CNOT9: variants seen among roughly 807,000 people sequenced by gnomAD.
CNOT9 encodes CCR4-NOT transcription complex subunit 9.
A neutral mutation model predicts 37.4 loss-of-function variants in CNOT9; 8 were observed. The observed-to-expected ratio is 0.21, with a 90% CI of 0.13 to 0.39. CNOT9 has a LOEUF of 0.39. CNOT9 is among the 10% of genes least tolerant of loss of function. The pLI, the probability that CNOT9 is intolerant of heterozygous loss-of-function variation, is 1.00. For missense variants in CNOT9, 154 were observed against 365.3 expected (o/e 0.42, Z 4.71); for synonymous variants, 120 against 137.6 (o/e 0.87, Z 0.90).
At chr2:218,571,877 C>T (rs1044657392) in intron 1 of CNOT9, among the ~76,000 whole-genome samples, 9 of 151,594 alleles carry the variant, frequency 5.9e-5, no homozygotes, top group Non-Finnish European at 7.4e-5. Flanking sequence ...AGCCACTGCG[C>T]CCGACCTTGC....
Position 218,584,678 on chromosome 2 carries a change from A to G in CNOT9, c.387A>G (p.Thr129=). 1.2e-6 allele frequency: 2 copies of G among 1,613,956 alleles called. No individual in the cohort carries two copies. Among genetic ancestry groups the G allele is most frequent in the Non-Finnish European group, 1.7e-6 (2 of 1,179,828 alleles). The change falls in exon 4 of 8, where the codon ACA becomes ACG. Residue 129 remains threonine (T), a synonymous_variant. Transcript: ENST00000273064. ...LYPFLHTVSK[T]RPFEYLRLTS... ...CCTTTTTGCACACTGTCAGCAAAAC[A>G]CGTCCCTTTGAGTATCTCCGGCTCA...
chr2:218,592,477 C>T lies in CNOT9; in HGVS notation c.639+75C>T, dbSNP rs1301590661. On this transcript the variant is annotated intron_variant, in intron 6 of 7. Transcript: ENST00000273064. The surrounding 1 kb of genome is among the most constrained non-coding windows in gnomAD (Gnocchi z 4.1). ...TAATCTCTTTATAACTGGCATTGAA[C>T]AACTTCAGTCCTCTGACTAGAACTA... 2 of 1,465,030 alleles carry T rather than the reference C, an allele frequency of 1.4e-6. No individual in the cohort carries two copies. The highest frequency in any genetic ancestry group is 4.5e-5 in the East Asian group (2 of 44,138). 90.8% of individuals were successfully genotyped at this position (1,465,030 alleles called of 1,614,324 possible).
chr2:218,586,952 C>G (rs1212196882), intron 4 of CNOT9, among the ~76,000 whole-genome samples: 2 of 152,060 alleles, frequency 1.3e-5, no homozygotes, highest in African/African-American at 4.8e-5. Context: ...TTTAAAAGAA[C>G]AAAGTTGGAA....
chr2:218,570,759 T>A (rs1055205173), intron 1 of CNOT9, among the ~76,000 whole-genome samples: 1 of 152,234 alleles, frequency 6.6e-6, no homozygotes, highest in Admixed American at 6.5e-5. Flanking sequence ...TTTCAATTGC[T>A]CCCTAATGCA....
intron 1 of CNOT9, among the ~76,000 whole-genome samples, chr2:218,579,358 A>G (rs1398878905): frequency 1.3e-5 from 2 of 152,126 alleles, no homozygotes; most frequent in Non-Finnish European, 2.9e-5. Flanking sequence ...TAACCCTTTT[A>G]TTGTTTTTAC....
intron 4 of CNOT9, among the ~76,000 whole-genome samples, chr2:218,587,015 AG>A (rs1694617263): frequency 6.6e-6 from 1 of 152,238 alleles, no homozygotes; most frequent in South Asian, 2.1e-4. Context: ...TAGTCAAGGC[AG>A]TGTAATACTG....
chr2:218,581,215 CT>C, intron 2 of CNOT9: 1 of 281,698 alleles, frequency 3.5e-6, no homozygotes, highest in Non-Finnish European at 7.2e-6. Context: ...GTCGCCCAGA[CT>C]AGAGTGCAAT....
intron 1 of CNOT9, chr2:218,574,201 C>G (rs953729873): frequency 7.9e-6 from 2 of 252,610 alleles, no homozygotes; most frequent in Non-Finnish European, 1.6e-5. Context: ...AGTGATCCAC[C>G]AGCCTCAGCC....
chr2:218,577,200 G>C (rs1166794391), intron 1 of CNOT9, among the ~76,000 whole-genome samples: 1 of 152,150 alleles, frequency 6.6e-6, no homozygotes, highest in Non-Finnish European at 1.5e-5. Flanking sequence ...AGTAAGCACT[G>C]TATGTTTTAA....
Position 218,596,395 on chromosome 2 carries a change from G to T in CNOT9, c.*2119G>T, listed in dbSNP as rs1694312358. The T allele has an allele frequency of 6.6e-6, 1 of 152,178 alleles. No homozygotes were observed. The highest frequency in any genetic ancestry group is 6.5e-5 in the Admixed American group (1 of 15,276). The allele number at this position is 152,178 out of a possible 1,614,324, so 9.4% of individuals were successfully genotyped here. A position where few individuals can be genotyped will look rare whatever the true frequency, so the allele number is the denominator to read the frequency against. Reference sequence around the variant, plus strand: ...GTTTTCCATCCCTCTCCCTTAACAGGATTGAAATAAAACATGCTTCTGTTT... The same window carrying T: ...GTTTTCCATCCCTCTCCCTTAACAGTATTGAAATAAAACATGCTTCTGTTT... On this transcript the variant is annotated 3_prime_UTR_variant, in exon 8 of 8. Transcript: ENST00000273064.
intron 1 of CNOT9, among the ~76,000 whole-genome samples, chr2:218,571,535 G>A (rs1332685226): frequency 2.0e-5 from 3 of 151,422 alleles, no homozygotes; most frequent in African/African-American, 4.8e-5. Context: ...TTGAGTAGTC[G>A]TATGCTAGAA....
At chr2:218,569,266 A>G (rs1469069854) in intron 1 of CNOT9, among the ~76,000 whole-genome samples, 2 of 152,092 alleles carry the variant, frequency 1.3e-5, no homozygotes, top group African/African-American at 2.4e-5. Context: ...TGCGCTGACC[A>G]ACAGTTTCAG....
At chr2:218,570,763 TA>T (rs1316767420) in intron 1 of CNOT9, among the ~76,000 whole-genome samples, 1 of 152,234 alleles carries the variant, frequency 6.6e-6, no homozygotes, top group Non-Finnish European at 1.5e-5. Flanking sequence ...AATTGCTCCC[TA>T]ATGCATCTTT....
intron 4 of CNOT9, among the ~76,000 whole-genome samples, chr2:218,585,036 AAG>A (rs1243866786): frequency 6.6e-6 from 1 of 152,176 alleles, no homozygotes; most frequent in African/African-American, 2.4e-5. Flanking sequence ...TTAAAGGAAT[AAG>A]AGTTTAAATT....
At chr2:218,588,066 C>T (rs1215147056) in intron 5 of CNOT9, among the ~76,000 whole-genome samples, 1 of 152,118 alleles carries the variant, frequency 6.6e-6, no homozygotes, top group Non-Finnish European at 1.5e-5. Context: ...TGAATGACAA[C>T]ATGACAAGGT....
rs1694942229 is a variant in CNOT9 at position 218,596,942 on chromosome 2, C to G, written c.*2666C>G. On this transcript the variant is annotated 3_prime_UTR_variant, in exon 8 of 8. Coordinates refer to ENST00000273064, the MANE Select transcript of CNOT9 (RefSeq NM_005444.3). ...CCTGTGGCCTGTTTCACTGGTGGAA[C>G]AGGAGCAGCATTGGTAGCCTTCAGA... 1 of 152,162 alleles carries G rather than the reference C, an allele frequency of 6.6e-6. No individual in the cohort carries two copies. Among genetic ancestry groups the G allele is most frequent in the Non-Finnish European group, 1.5e-5 (1 of 68,036 alleles). 9.4% of individuals were successfully genotyped at this position (152,162 alleles called of 1,614,324 possible). A position where few individuals can be genotyped will look rare whatever the true frequency, so the allele number is the denominator to read the frequency against.
intron 5 of CNOT9, among the ~76,000 whole-genome samples, chr2:218,589,683 ATGCAG>A (rs1694710700): frequency 6.6e-6 from 1 of 152,116 alleles, no homozygotes; most frequent in African/African-American, 2.4e-5. Context: ...CCAGGCTGGA[ATGCAG>A]TGGCTATTCA....
intron 1 of CNOT9, chr2:218,574,015 G>A (rs1277552067): frequency 2.3e-6 from 1 of 432,132 alleles, no homozygotes; most frequent in Admixed American, 2.5e-5. Flanking sequence ...TGTTACCCAG[G>A]CTGGAGTGCA....
chr2:218,571,652 A>G (rs1488039880), intron 1 of CNOT9, among the ~76,000 whole-genome samples: 4 of 151,390 alleles, frequency 2.6e-5, no homozygotes, highest in Non-Finnish European at 5.9e-5. Context: ...GCTCACAGCA[A>G]TCTCCGCCTC....
Sources: allele counts gnomAD v4.1 joint callset (sites outside exome capture counted in the v4.1 genomes callset), GRCh38; gene constraint gnomAD v4.1.1; non-coding constraint Gnocchi (gnomAD v3.1); transcripts MANE v1.5; gene names NCBI Gene and HGNC (gene_info 2026-07-23, HGNC 2026-07-21).